MDFIC2: variants seen among roughly 807,000 people sequenced by gnomAD.
MDFIC2 encodes MyoD family inhibitor domain containing 2.
At chr3:70,255,236 G>T (rs895231506) in intron 2 of MDFIC2, among the ~76,000 whole-genome samples, 3 of 152,168 alleles carry the variant, frequency 2.0e-5, no homozygotes, top group Non-Finnish European at 4.4e-5. Flanking sequence ...AAGATGAATA[G>T]TAGCTTAGTG....
At chr3:70,294,648 G>A (rs1420570401) in intron 2 of MDFIC2, among the ~76,000 whole-genome samples, 3 of 151,996 alleles carry the variant, frequency 2.0e-5, no homozygotes, top group Admixed American at 2.0e-4. Flanking sequence ...ACTCAAACAG[G>A]CTCAAAAAAT....
chr3:70,212,164 A>T (rs769130266), intron 2 of MDFIC2, among the ~76,000 whole-genome samples: 1 of 152,138 alleles, frequency 6.6e-6, no homozygotes, highest in Non-Finnish European at 1.5e-5. Context: ...CCAAGCATAA[A>T]CTACACTCCT....
At chr3:70,307,799 T>C (rs1181440234) in intron 2 of MDFIC2, among the ~76,000 whole-genome samples, 1 of 152,166 alleles carries the variant, frequency 6.6e-6, no homozygotes, top group African/African-American at 2.4e-5. Flanking sequence ...AGAACCAATG[T>C]CCACTACTTA....
chr3:70,241,537 C>T (rs774242587), intron 2 of MDFIC2, among the ~76,000 whole-genome samples: 18 of 152,028 alleles, frequency 1.2e-4, no homozygotes, highest in Non-Finnish European at 2.1e-4. Flanking sequence ...ACACTTGAAT[C>T]CTCATAACAT....
chr3:70,237,573 A>G (rs1007259552), intron 2 of MDFIC2, among the ~76,000 whole-genome samples: 6 of 152,224 alleles, frequency 3.9e-5, no homozygotes, highest in Non-Finnish European at 8.8e-5. Context: ...TCATTCAAGG[A>G]CAGGCTCTAA....
intron 2 of MDFIC2, among the ~76,000 whole-genome samples, chr3:70,217,418 AATATAATTTGCTAATTGCCTTCCAGAAAG>A (rs1359597657): frequency 1.3e-5 from 2 of 152,166 alleles, no homozygotes; most frequent in Non-Finnish European, 2.9e-5. Context: ...TCAAGCTTTT[AATATAATTTGCTAATTGCCTTCCAGAAAG>A]ATTGCGTCCA....
chr3:70,260,723 C>T (rs1701858337), intron 2 of MDFIC2, among the ~76,000 whole-genome samples: 1 of 152,034 alleles, frequency 6.6e-6, no homozygotes, highest in Non-Finnish European at 1.5e-5. Context: ...ACTTATCCCT[C>T]CCCTTTCACT....
intron 3 of MDFIC2, among the ~76,000 whole-genome samples, chr3:70,203,274 A>G (rs948798728): frequency 2.0e-5 from 3 of 152,142 alleles, no homozygotes; most frequent in African/African-American, 7.2e-5. Flanking sequence ...GAGATTCATG[A>G]CACAATGAAT....
intron 2 of MDFIC2, among the ~76,000 whole-genome samples, chr3:70,290,710 A>G (rs1042861038): frequency 6.6e-6 from 1 of 151,950 alleles, no homozygotes; most frequent in Non-Finnish European, 1.5e-5. Context: ...GCAATCAGTG[A>G]GACTCCGTGG....
At chr3:70,232,794 G>A (rs1166905134) in intron 2 of MDFIC2, among the ~76,000 whole-genome samples, 1 of 152,046 alleles carries the variant, frequency 6.6e-6, no homozygotes, top group South Asian at 2.1e-4. Context: ...TTCTTACTGG[G>A]TTGGAGATTT....
At chr3:70,232,128 A>C (rs1307889515) in intron 2 of MDFIC2, among the ~76,000 whole-genome samples, 1 of 152,156 alleles carries the variant, frequency 6.6e-6, no homozygotes, top group East Asian at 1.9e-4. Flanking sequence ...TGGCAGCGAG[A>C]TGTTTTCACC....
intron 2 of MDFIC2, among the ~76,000 whole-genome samples, chr3:70,243,154 T>G (rs982295316): frequency 1.3e-4 from 20 of 152,188 alleles, no homozygotes; most frequent in Non-Finnish European, 2.4e-4. Flanking sequence ...GCCTTTTGTC[T>G]TCTGCAGACA....
At chr3:70,238,299 T>A (rs1460782024) in intron 2 of MDFIC2, among the ~76,000 whole-genome samples, 1 of 152,036 alleles carries the variant, frequency 6.6e-6, no homozygotes, top group Non-Finnish European at 1.5e-5. Context: ...GAGCCATTTT[T>A]CTGCCATGTG....
chr3:70,202,414 G>A (rs914251689), intron 3 of MDFIC2, among the ~76,000 whole-genome samples: 1 of 152,152 alleles, frequency 6.6e-6, no homozygotes, highest in African/African-American at 2.4e-5. Flanking sequence ...AGGAAGAGGT[G>A]GGAGAGCCTT....
intron 2 of MDFIC2, among the ~76,000 whole-genome samples, chr3:70,227,515 G>A (rs1411334553): frequency 6.6e-6 from 1 of 152,192 alleles, no homozygotes; most frequent in Non-Finnish European, 1.5e-5. Context: ...TCGATAGAGG[G>A]ACAAGGCTAG....
intron 2 of MDFIC2, among the ~76,000 whole-genome samples, chr3:70,243,431 TG>T (rs1701679266): frequency 6.6e-6 from 1 of 152,248 alleles, no homozygotes; most frequent in Admixed American, 6.5e-5. Flanking sequence ...GCAGCTGCAC[TG>T]CTCTCTTTCT....
chr3:70,300,765 C>T (rs946260489), intron 2 of MDFIC2, among the ~76,000 whole-genome samples: 2 of 151,910 alleles, frequency 1.3e-5, no homozygotes, highest in Non-Finnish European at 2.9e-5. Context: ...GCTATTTGAC[C>T]TAGAGTTCAG....
At position 70,202,586 on chromosome 3, in the gene MDFIC2, C is replaced by T. The variant is rs139677027; in HGVS notation, c.310+3983G>A. ...CACTGCTATTGAAGTGCCCACCTGG[C>T]TTTCCTATTCCTTAAACCTGAATTA... On this transcript the variant is annotated intron_variant, in intron 3 of 3. Coordinates refer to ENST00000567252, the MANE Select transcript of MDFIC2 (RefSeq NM_001364677.1). 9.1e-3 allele frequency among the ~76,000 whole-genome samples: 1,391 copies of T among 152,254 alleles called. 18 individuals are homozygous for T. The highest frequency in any genetic ancestry group is 0.032 in the African/African-American group (1,310 of 41,550).
chr3:70,300,623 A>T (rs952863138), intron 2 of MDFIC2, among the ~76,000 whole-genome samples: 1 of 152,092 alleles, frequency 6.6e-6, no homozygotes, highest in Admixed American at 6.6e-5. Context: ...TCTCTAAAAT[A>T]AAAAGAACTA....
Sources: allele counts gnomAD v4.1 joint callset (sites outside exome capture counted in the v4.1 genomes callset), GRCh38; gene constraint gnomAD v4.1.1; transcripts MANE v1.5; gene names NCBI Gene and HGNC (gene_info 2026-07-23, HGNC 2026-07-21).